The following SNX29 variants were observed in gnomAD, a reference collection of about 807,000 sequenced individuals.
SNX29 encodes sorting nexin-29.
In SNX29, 78 loss-of-function variants were observed where a neutral mutation model predicts 102.1. The ratio of observed to expected loss-of-function variants is 0.76; its 90% CI spans 0.64 to 0.92. The LOEUF is 0.92. SNX29 is among the 40% of genes least tolerant of loss of function. The probability of loss-of-function intolerance (pLI) is 0.00; values close to 1 mark genes in which losing one functional copy is unlikely to be tolerated. For synonymous variants in SNX29, 580 were observed against 414.5 expected, an observed-to-expected ratio of 1.40 and a Z score of -4.85; for missense variants, 1,280 against 1,061.7, an observed-to-expected ratio of 1.21 and a Z score of -2.86.
At chr16:12,566,030 G>A (rs1358722110) in intron 20 of SNX29, among the ~76,000 whole-genome samples, 1 of 152,194 alleles carries the variant, frequency 6.6e-6, no homozygotes, top group African/African-American at 2.4e-5. Flanking sequence ...TGGTGACACA[G>A]GTCATGTGTT....
At chr16:12,397,323 G>C (rs566280398) in intron 16 of SNX29, among the ~76,000 whole-genome samples, 73 of 152,138 alleles carry the variant, frequency 4.8e-4, no homozygotes, top group Non-Finnish European at 9.1e-4. Context: ...TGTTTGCTGA[G>C]GGTTTATAGC....
intron 15 of SNX29, among the ~76,000 whole-genome samples, chr16:12,335,228 C>G (rs2081411733): frequency 6.6e-6 from 1 of 152,092 alleles, no homozygotes; most frequent in Admixed American, 6.5e-5. Context: ...GGGCCTTGAA[C>G]TCCAGGACAG....
At chr16:12,083,119 ACATGGTG>A (rs927414842) in intron 11 of SNX29, among the ~76,000 whole-genome samples, 1 of 152,074 alleles carries the variant, frequency 6.6e-6, no homozygotes, top group Non-Finnish European at 1.5e-5. Context: ...AGCCTGGCCA[ACATGGTG>A]AAACCCTGTC....
At chr16:12,091,271 C>T (rs2052530098) in intron 11 of SNX29, among the ~76,000 whole-genome samples, 1 of 152,036 alleles carries the variant, frequency 6.6e-6, no homozygotes, top group Admixed American at 6.6e-5. Flanking sequence ...CCCCTCCTTG[C>T]CGTTCCTGGA....
intron 16 of SNX29, among the ~76,000 whole-genome samples, chr16:12,392,483 CCTGTCTGTCCAT>C (rs1342508109): frequency 6.6e-6 from 1 of 152,132 alleles, no homozygotes; most frequent in African/African-American, 2.4e-5. Flanking sequence ...TTTACATCTG[CCTGTCTGTCCAT>C]CCAGTGGGAA....
chr16:12,352,224 G>T (rs1022125247), intron 15 of SNX29, among the ~76,000 whole-genome samples: 1 of 152,184 alleles, frequency 6.6e-6, no homozygotes, highest in Non-Finnish European at 1.5e-5. Context: ...TACGGACATG[G>T]ATGAAGCTGG....
At chr16:12,407,603 C>T (rs1322715484) in intron 18 of SNX29, among the ~76,000 whole-genome samples, 1 of 152,120 alleles carries the variant, frequency 6.6e-6, no homozygotes, top group Non-Finnish European at 1.5e-5. Flanking sequence ...TAGTAGCCAC[C>T]TCTCACTGGT....
chr16:12,397,824 C>G (rs1434930544), intron 16 of SNX29, among the ~76,000 whole-genome samples: 1 of 152,164 alleles, frequency 6.6e-6, no homozygotes, highest in Non-Finnish European at 1.5e-5. Flanking sequence ...CCTTTGAATG[C>G]TTGCTTGCCC....
chr16:12,538,320 C>G (rs753453849), intron 20 of SNX29, among the ~76,000 whole-genome samples: 8 of 152,100 alleles, frequency 5.3e-5, no homozygotes, highest in Non-Finnish European at 1.0e-4. Context: ...GGGGGTTTCA[C>G]CATGTTAGCC....
At chr16:12,206,357 G>T (rs962949905) in intron 14 of SNX29, among the ~76,000 whole-genome samples, 1 of 141,070 alleles carries the variant, frequency 7.1e-6, no homozygotes, top group Non-Finnish European at 1.5e-5. Flanking sequence ...GGAGTGATGT[G>T]CTGGTAAATG....
chr16:12,367,448 T>G (rs1821300452), intron 16 of SNX29: 1 of 152,272 alleles, frequency 6.6e-6, no homozygotes, highest in Non-Finnish European at 1.5e-5. Context: ...TGGGGCACCT[T>G]GCTTCCTCTG....
At chr16:12,392,380 TTCTTAG>T (rs950533249) in intron 16 of SNX29, among the ~76,000 whole-genome samples, 1 of 152,244 alleles carries the variant, frequency 6.6e-6, no homozygotes, top group Admixed American at 6.5e-5. Flanking sequence ...TAGATGTCCA[TTCTTAG>T]TGAAGTAGTA....
chr16:12,546,626 C>A (rs1347174000), intron 20 of SNX29: 3 of 152,186 alleles, frequency 2.0e-5, no homozygotes, highest in Non-Finnish European at 4.4e-5. Flanking sequence ...CCAGATTGAT[C>A]TATTGATAAT....
chr16:12,087,826 C>T (rs544396092), intron 11 of SNX29: 6 of 456,848 alleles, frequency 1.3e-5, no homozygotes, highest in African/African-American at 2.0e-5. Context: ...ATCCTCTTTC[C>T]CTCTTCCTCC....
intron 14 of SNX29, among the ~76,000 whole-genome samples, chr16:12,277,333 G>A (rs2079282973): frequency 6.6e-6 from 1 of 152,078 alleles, no homozygotes; most frequent in Non-Finnish European, 1.5e-5. Flanking sequence ...CCAGGAGTTC[G>A]AGGCTGTAGT....
At chr16:12,198,601 G>C (rs1469563997) in intron 13 of SNX29, among the ~76,000 whole-genome samples, 1 of 152,200 alleles carries the variant, frequency 6.6e-6, no homozygotes, top group Non-Finnish European at 1.5e-5. Context: ...ACGTGTAAGA[G>C]GCACCTCCCT....
chr16:12,008,683 C>CAGG (rs1223896814), intron 3 of SNX29, among the ~76,000 whole-genome samples: 1 of 151,688 alleles, frequency 6.6e-6, no homozygotes, highest in African/African-American at 2.4e-5. Flanking sequence ...TCAGAGCCGT[C>CAGG]CTCTGGCCAT....
intron 20 of SNX29, among the ~76,000 whole-genome samples, chr16:12,555,048 C>G (rs1056912877): frequency 6.6e-6 from 1 of 151,590 alleles, no homozygotes; most frequent in Admixed American, 6.6e-5. Context: ...CGAGCAGCCT[C>G]AAGAGGCTGG....
At chr16:12,543,458 T>G (rs1221760267) in intron 20 of SNX29, among the ~76,000 whole-genome samples, 2 of 151,942 alleles carry the variant, frequency 1.3e-5, no homozygotes, top group African/African-American at 2.4e-5. Context: ...TGCTGCGGGG[T>G]CTGGTGAACA....
Sources: allele counts gnomAD v4.1 joint callset (sites outside exome capture counted in the v4.1 genomes callset), GRCh38; gene constraint gnomAD v4.1.1; transcripts MANE v1.5; gene names NCBI Gene and HGNC (gene_info 2026-07-23, HGNC 2026-07-21).